LPCAT4: variants seen among roughly 807,000 people sequenced by gnomAD.
LPCAT4 encodes the protein lysophospholipid acyltransferase LPCAT4.
A neutral mutation model predicts 66.5 loss-of-function variants in LPCAT4; 30 were observed. The ratio of observed to expected loss-of-function variants is 0.45; its 90% CI spans 0.34 to 0.61. LPCAT4 has a LOEUF of 0.61. Ranked by LOEUF, LPCAT4 falls within the 20% of genes least tolerant of loss-of-function variation. The pLI, the probability that LPCAT4 is intolerant of heterozygous loss-of-function variation, is 0.01. For missense variants in LPCAT4, 557 were observed against 656.7 expected, an observed-to-expected ratio of 0.85 and a Z score of 1.66; for synonymous variants, 253 against 262.1, an observed-to-expected ratio of 0.97 and a Z score of 0.34.
In LPCAT4 at chr15:34,363,569, A is replaced by T; in HGVS notation, c.711+92T>A. On this transcript the variant is annotated intron_variant, in intron 6 of 13. Transcript: ENST00000314891. The surrounding 1 kb of genome is among the most constrained non-coding windows in gnomAD (Gnocchi z 4.3). Reference sequence around the variant, plus strand: ...CACCTCTGGTCACAGCCCCCAATGCACATCCCATTAAAGCACCAACAGTTT... The same window carrying T: ...CACCTCTGGTCACAGCCCCCAATGCTCATCCCATTAAAGCACCAACAGTTT... 6.3e-7 allele frequency: 1 copy of T among 1,595,904 alleles called. No individual in the cohort carries two copies. Among genetic ancestry groups the T allele is most frequent in the Non-Finnish European group, 8.6e-7 (1 of 1,163,882 alleles).
rs1450684354 is a variant in LPCAT4, at chr15:34,363,964, C to G, written c.652+49G>C. ...GTTATTTCAGAGTCCCTCCCCAAAT[C>G]TGGAACTTCTTTTTCCTACAGCCCA... On this transcript the variant is annotated intron_variant, in intron 5 of 13. Transcript: ENST00000314891. This position sits in a 1 kb window ranked among gnomAD's most constrained non-coding sequence, Gnocchi z 4.3. 7.0e-6 allele frequency: 11 copies of G among 1,575,814 alleles called. No individual in the cohort carries two copies. Among genetic ancestry groups the G allele is most frequent in the Non-Finnish European group, 8.7e-6 (10 of 1,148,438 alleles).
chr15:34,367,066 A>AG lies in LPCAT4; in HGVS notation c.34dup (p.Leu12ProfsTer17). ...TGCTGGGGGTCCGGGGGTGGGATCT[A>AG]GGGGGGCCCAGTCCCCCGGACTTCC... On this transcript the variant is annotated frameshift_variant, in exon 1 of 14. Transcript: ENST00000314891. LOFTEE classifies it high-confidence loss of function. The AG allele has an allele frequency of 7.4e-7, 1 of 1,346,586 alleles. No homozygotes were observed. The highest frequency in any genetic ancestry group is 1.0e-6 in the Non-Finnish European group (1 of 977,038). 83.4% of individuals were successfully genotyped at this position (1,346,586 alleles called of 1,614,324 possible).
In LPCAT4 at chr15:34,362,198, A is replaced by T; in HGVS notation, c.1008T>A (p.Ala336=). The change falls in exon 10 of 14, where the codon GCT becomes GCA. Residue 336 remains alanine, a splice_region_variant and synonymous_variant. Coordinates refer to ENST00000314891, the MANE Select transcript of LPCAT4 (RefSeq NM_153613.3). ...LWELGKVLRK[A]GLSAGYVDAG... Reference sequence around the variant, plus strand: ...CCCTCATTTCCAAGACCACTTACCCAGCCTTCCGAAGCACTTTTCCCAGTT... The same window carrying T: ...CCCTCATTTCCAAGACCACTTACCCTGCCTTCCGAAGCACTTTTCCCAGTT... The T allele has an allele frequency of 6.2e-7, 1 of 1,612,186 alleles. No individual in the cohort carries two copies. Among genetic ancestry groups the T allele is most frequent in the Non-Finnish European group, 8.5e-7 (1 of 1,179,684 alleles).
At chr15:34,365,379 T>G in intron 2 of LPCAT4, 151 bp from the exon 3 acceptor site, 1 of 1,159,828 alleles carries the variant, frequency 8.6e-7, no homozygotes, top group Non-Finnish European at 1.2e-6. Flanking sequence ...TTGGGACCTA[T>G]CAGGGCACAT....
Position 34,362,084 on chromosome 15 carries a change from A to G in LPCAT4, c.1010+112T>C, listed in dbSNP as rs1890958012. On this transcript the variant is annotated intron_variant, in intron 10 of 13. Coordinates refer to ENST00000314891, the MANE Select transcript of LPCAT4 (RefSeq NM_153613.3). ...TATTTATTCTATTATCTTTCTTCCCAGTTTTTTTCATTTTTAAGATTTTCC... is the reference window on the plus strand; with the variant it reads ...TATTTATTCTATTATCTTTCTTCCCGGTTTTTTTCATTTTTAAGATTTTCC... 3.7e-6 allele frequency: 5 copies of G among 1,345,992 alleles called. No homozygotes were observed. The South Asian group carries it at 5.2e-5, about 14-fold the overall frequency. The allele number at this position is 1,345,992 out of a possible 1,614,324, so 83.4% of individuals were successfully genotyped here.
intron 13 of LPCAT4, 94 bp from the exon 14 acceptor site, chr15:34,359,396 C>G (rs1890886982): frequency 1.5e-6 from 2 of 1,360,896 alleles, no homozygotes; most frequent in Admixed American, 5.6e-5. Context: ...CCTTGTGCCT[C>G]TACTCTGTTT....
chr15:34,365,209 C>A lies in LPCAT4; in HGVS notation c.277G>T (p.Val93Leu). The A allele has an allele frequency of 6.2e-7, 1 of 1,609,468 alleles. No homozygotes were observed. The highest frequency in any genetic ancestry group is 8.5e-7 in the Non-Finnish European group (1 of 1,178,158). The change falls in exon 3 of 14, where the codon GTG (valine) becomes TTG (leucine). Residue 93 changes from valine to leucine, a missense_variant. Physicochemically the swap from Val to Leu is conservative, Grantham distance 32 (BLOSUM62 1). This residue lies in a region of LPCAT4 where 65 missense variants were observed against 83.5 expected (regional missense o/e 0.78). Coordinates refer to ENST00000314891, the MANE Select transcript of LPCAT4 (RefSeq NM_153613.3). Reference sequence around the variant, plus strand: ...AACAGCAGGCGGCTCAGGCCTAGCACCCCGTTGTGGCACACAGTCCTGCCA... The same window carrying A: ...AACAGCAGGCGGCTCAGGCCTAGCAACCCGTTGTGGCACACAGTCCTGCCA... ...GWRKTVCHNGVLGLSRLLFFL... is the reference protein window; with the variant it reads ...GWRKTVCHNGLLGLSRLLFFL...
chr15:34,366,838 C>T, intron 1 of LPCAT4, 149 bp downstream of exon 1: 1 of 1,239,322 alleles, frequency 8.1e-7, no homozygotes, highest in Non-Finnish European at 1.1e-6. Context: ...ACCGCGGCCG[C>T]CCCCACGTGC....
At chr15:34,362,531 C>A (rs1595619734) in intron 9 of LPCAT4, 42 bp downstream of exon 9, 5 of 1,515,146 alleles carry the variant, frequency 3.3e-6, no homozygotes, top group Non-Finnish European at 4.4e-6. Flanking sequence ...GGTTCCTTTG[C>A]CCTGTGCAAC....
At chr15:34,365,949 A>G (rs1891066704) in intron 1 of LPCAT4, 2 of 461,560 alleles carry the variant, frequency 4.3e-6, no homozygotes, top group African/African-American at 3.9e-5. Context: ...TACCCCATTT[A>G]TAAAACCGAA....
At chr15:34,359,468 T>C in intron 13 of LPCAT4, 121 bp downstream of exon 13, 2 of 1,378,708 alleles carry the variant, frequency 1.5e-6, no homozygotes, top group East Asian at 4.8e-5. Flanking sequence ...CCAGCCTTAC[T>C]TCTCATAGGT....
rs1221108762 is a variant in LPCAT4, at chr15:34,359,255, A to G, written c.1447T>C (p.Phe483Leu). Residue 483 changes from phenylalanine (F) to leucine (L), a missense_variant, in exon 14 of 14, where the codon TTC becomes CTC. Phe to Leu is a conservative substitution (Grantham distance 22). This residue lies in a region of LPCAT4 where 392 missense variants were observed against 473.9 expected (regional missense o/e 0.83). Coordinates refer to ENST00000314891, the MANE Select transcript of LPCAT4 (RefSeq NM_153613.3). The part of the protein sequence containing the change: ...SLHDPLYGKL[F>L]STYLRPPHTS... Reference sequence around the variant, plus strand: ...TGTGGGGGGCGCAGGTAGGTGCTGAAGAGTTTCCCATAGAGTGGGTCATGG... The same window carrying G: ...TGTGGGGGGCGCAGGTAGGTGCTGAGGAGTTTCCCATAGAGTGGGTCATGG... 1 of 1,559,630 alleles carries G rather than the reference A, an allele frequency of 6.4e-7. No individual in the cohort carries two copies. Among genetic ancestry groups the G allele is most frequent in the East Asian group, 2.4e-5 (1 of 42,106 alleles).
At chr15:34,360,393 A>AT (rs1890915336) in intron 11 of LPCAT4, among the ~76,000 whole-genome samples, 184 bp from the exon 12 acceptor site, 1 of 152,150 alleles carries the variant, frequency 6.6e-6, no homozygotes, top group African/African-American at 2.4e-5. Flanking sequence ...AGGCTTTCTC[A>AT]AGCTATATCA....
chr15:34,366,633 C>G (rs1891084506), intron 1 of LPCAT4, among the ~76,000 whole-genome samples: 1 of 151,110 alleles, frequency 6.6e-6, no homozygotes. Flanking sequence ...CGCCCCCACC[C>G]CCGGCTTCCC....
Position 34,366,789 on chromosome 15 carries a change from G to A in LPCAT4, c.114+198C>T, listed in dbSNP as rs1360480777. ...TTCCACATCTTCGAGCTTGTCTATC[G>A]CCCAAGCCCGCAGCGTCCTCTCCAG... On this transcript the variant is annotated intron_variant, in intron 1 of 13. Coordinates refer to ENST00000314891, the MANE Select transcript of LPCAT4 (RefSeq NM_153613.3). 7 of 651,982 alleles carry A rather than the reference G, an allele frequency of 1.1e-5. No homozygotes were observed. In the African/African-American group the frequency reaches 1.3e-4, roughly 12 times the overall value. The allele number at this position is 651,982 out of a possible 1,614,324, so 40.4% of individuals were successfully genotyped here.
At chr15:34,361,110 C>T in intron 11 of LPCAT4, 1 of 1,057,028 alleles carries the variant, frequency 9.5e-7, no homozygotes, top group East Asian at 4.9e-5. Context: ...CCCAAAAGGT[C>T]TTATGATTCC....
intron 3 of LPCAT4, 96 bp from the exon 4 acceptor site, chr15:34,364,402 CTGTTA>C: frequency 1.5e-6 from 1 of 662,202 alleles, no homozygotes; most frequent in East Asian, 2.7e-5. Context: ...TGAGAAGTTT[CTGTTA>C]TCTCTTTTTT....
chr15:34,366,771 T>A, intron 1 of LPCAT4: 1 of 576,366 alleles, frequency 1.7e-6, no homozygotes, highest in African/African-American at 1.9e-5. Flanking sequence ...TTTTTCCACA[T>A]CTTCGAGCTT....
intron 11 of LPCAT4, chr15:34,361,097 C>T (rs1033193996): frequency 2.6e-5 from 22 of 836,290 alleles, no homozygotes; most frequent in Non-Finnish European, 3.3e-5. Flanking sequence ...CCTCACCCAG[C>T]ACCCCAAAAG....
Sources: gnomAD v4.1 joint callset for allele counts (sites outside exome capture counted in the v4.1 genomes callset) on GRCh38, gnomAD v4.1.1 for gene constraint, gnomAD v4.1.1 regional missense constraint, Gnocchi (gnomAD v3.1) non-coding constraint, MANE v1.5 for transcripts, NCBI Gene and HGNC (gene_info 2026-07-23, HGNC 2026-07-21) for gene names.